Variants in PRKAR1B observed in about 807,000 individuals in gnomAD.
PRKAR1B encodes cAMP-dependent protein kinase type I-beta regulatory subunit.
Under a neutral mutation model 46.5 loss-of-function variants are expected in PRKAR1B, and 22 were observed. The observed-to-expected ratio is 0.47, with a 90% CI of 0.34 to 0.68. PRKAR1B has a LOEUF of 0.68. PRKAR1B is among the 30% of genes least tolerant of loss of function. PRKAR1B has a pLI of 0.01. For missense variants in PRKAR1B, 445 were observed against 535.6 expected, an observed-to-expected ratio of 0.83 and a Z score of 1.67; for synonymous variants, 259 against 217.7, an observed-to-expected ratio of 1.19 and a Z score of -1.67.
At chr7:619,381 A>G (rs1782995586) in intron 4 of PRKAR1B, among the ~76,000 whole-genome samples, 1 of 152,234 alleles carries the variant, frequency 6.6e-6, no homozygotes, top group Non-Finnish European at 1.5e-5. Context: ...AAACTAACAC[A>G]GTGTTTTACG....
intron 4 of PRKAR1B, among the ~76,000 whole-genome samples, chr7:662,244 AC>A (rs1785625998): frequency 9.1e-5 from 1 of 10,950 alleles, no homozygotes; most frequent in Non-Finnish European, 1.6e-4. Flanking sequence ...ACTCTCCCCC[AC>A]ATGGCACAGG....
intron 4 of PRKAR1B, among the ~76,000 whole-genome samples, chr7:617,341 G>C (rs1455353444): frequency 1.4e-5 from 2 of 139,602 alleles, no homozygotes; most frequent in East Asian, 4.3e-4. Flanking sequence ...GTCTCACTCT[G>C]CCACCCAGGC....
intron 2 of PRKAR1B, 117 bp downstream of exon 2, chr7:711,212 C>T (rs1449473666): frequency 1.4e-6 from 2 of 1,384,592 alleles, no homozygotes; most frequent in Non-Finnish European, 2.0e-6. Flanking sequence ...GGACGGCAGA[C>T]AGTCTCTGGG....
At chr7:604,201 G>A (rs942783416) in intron 6 of PRKAR1B, among the ~76,000 whole-genome samples, 3 of 152,194 alleles carry the variant, frequency 2.0e-5, no homozygotes, top group African/African-American at 7.2e-5. Flanking sequence ...GACGATGCCC[G>A]GCTGGGATGC....
Position 692,485 on chromosome 7 carries a change from G to T in PRKAR1B, c.178-11759C>A, listed in dbSNP as rs1005639363. On this transcript the variant is annotated intron_variant, in intron 2 of 10. Transcript: ENST00000537384. ...GGAGAAGAGAAGAGAAGAGAGAGAA[G>T]GCAGGTGCATCACAAGTGAGGGGCT... Among the ~76,000 whole-genome samples, 3 of 151,974 alleles carry T rather than the reference G, an allele frequency of 2.0e-5. No individual in the cohort carries two copies. In the East Asian group the frequency reaches 5.8e-4, roughly 29 times the overall value.
chr7:660,069 T>C (rs2128494176), intron 4 of PRKAR1B, among the ~76,000 whole-genome samples: 1 of 152,086 alleles, frequency 6.6e-6, no homozygotes, highest in East Asian at 1.9e-4. Context: ...TGCCGCCGCC[T>C]TGGGCTCTCC....
chr7:613,168 G>A (rs982150582), intron 4 of PRKAR1B, among the ~76,000 whole-genome samples: 1 of 151,466 alleles, frequency 6.6e-6, no homozygotes, highest in African/African-American at 2.4e-5. Context: ...TGCACCGTAA[G>A]GCTAATAGCA....
At chr7:599,556 G>A (rs1781473140) in intron 6 of PRKAR1B, among the ~76,000 whole-genome samples, 1 of 152,036 alleles carries the variant, frequency 6.6e-6, no homozygotes, top group Non-Finnish European at 1.5e-5. Flanking sequence ...CCAAAGTGCT[G>A]GGATTACAGG....
rs187477094 is a variant in PRKAR1B, at chr7:571,915, C to T, written c.891+7341G>A. Among the ~76,000 whole-genome samples the T allele has an allele frequency of 4.6e-3, 703 of 152,368 alleles. 4 individuals are homozygous for T. The highest frequency in any genetic ancestry group is 0.032 in the South Asian group (153 of 4,826). On this transcript the variant is annotated intron_variant, in intron 9 of 10. Coordinates refer to ENST00000537384, the MANE Select transcript of PRKAR1B (RefSeq NM_001164760.2). ...GCCCTGGCACACACTGCCGCCTCTCCGCTAGGCCCTGGACGCCACTCTCAC... is the reference window on the plus strand; with the variant it reads ...GCCCTGGCACACACTGCCGCCTCTCTGCTAGGCCCTGGACGCCACTCTCAC...
intron 4 of PRKAR1B, among the ~76,000 whole-genome samples, chr7:635,964 T>TCACGTCCTCCACCGGCCGCGCCCA (rs1554296510): frequency 1.4e-5 from 1 of 70,990 alleles, no homozygotes; most frequent in Admixed American, 1.4e-4. Flanking sequence ...GGCCGCGCCC[T>TCACGTCCTCCACCGGCCGCGCCCA]CACGTCCTCC....
intron 1 of PRKAR1B, among the ~76,000 whole-genome samples, chr7:713,688 T>C (rs541559155): frequency 1.3e-5 from 2 of 152,326 alleles, no homozygotes; most frequent in South Asian, 2.1e-4. Flanking sequence ...CACACTCACC[T>C]GTCCAGCTTT....
chr7:701,849 C>G (rs1218745337), intron 2 of PRKAR1B, among the ~76,000 whole-genome samples: 2 of 152,206 alleles, frequency 1.3e-5, no homozygotes, highest in East Asian at 3.8e-4. Context: ...CAATCCTGCT[C>G]TAAGAGGAAT....
At chr7:597,004 G>A (rs758473974) in intron 6 of PRKAR1B, among the ~76,000 whole-genome samples, 6 of 152,374 alleles carry the variant, frequency 3.9e-5, no homozygotes, top group Non-Finnish European at 7.3e-5. Flanking sequence ...GTGGGCCGCC[G>A]CCCCCGCACA....
At chr7:573,559 C>G (rs1779649274) in intron 9 of PRKAR1B, among the ~76,000 whole-genome samples, 1 of 152,192 alleles carries the variant, frequency 6.6e-6, no homozygotes, top group Admixed American at 6.5e-5. Context: ...CGGGAAGCAG[C>G]TGTTCCCAAC....
chr7:556,516 G>A (rs995418873), intron 9 of PRKAR1B, among the ~76,000 whole-genome samples: 2 of 152,232 alleles, frequency 1.3e-5, no homozygotes, highest in East Asian at 1.9e-4. Flanking sequence ...TCTTCCGCAC[G>A]GAGTCATTCT....
chr7:588,618 A>ATGG (rs1226780793), intron 7 of PRKAR1B, among the ~76,000 whole-genome samples: 1 of 117,516 alleles, frequency 8.5e-6, no homozygotes. Context: ...GATGGTGGTG[A>ATGG]TGGTGATGGT....
At chr7:660,564 T>A in intron 4 of PRKAR1B, among the ~76,000 whole-genome samples, 2 of 56,404 alleles carry the variant, frequency 3.5e-5, no homozygotes, top group Non-Finnish European at 6.3e-5. Flanking sequence ...AAATACCTAC[T>A]CTCCCCCCCA....
rs924252724 is a variant in PRKAR1B at position 667,909 on chromosome 7, C to A, written c.440+9320G>T. Among the ~76,000 whole-genome samples the A allele has an allele frequency of 2.0e-5, 3 of 152,210 alleles. No homozygotes were observed. The highest frequency in any genetic ancestry group is 2.9e-5 in the Non-Finnish European group (2 of 68,040). On this transcript the variant is annotated intron_variant, in intron 4 of 10. Coordinates refer to ENST00000537384, the MANE Select transcript of PRKAR1B (RefSeq NM_001164760.2). This position sits in a 1 kb window ranked among gnomAD's most constrained non-coding sequence, Gnocchi z 4.3. ...GGCGGTCTGGGGGAGTTGCAGCCTC[C>A]CTCACAACCACGTTGCACTATCTTC...
At chr7:621,684 C>A (rs971744253) in intron 4 of PRKAR1B, among the ~76,000 whole-genome samples, 1 of 152,234 alleles carries the variant, frequency 6.6e-6, no homozygotes, top group Non-Finnish European at 1.5e-5. Context: ...ATCCCCATGA[C>A]AGATGCTTCC....
Sources: allele counts gnomAD v4.1 joint callset (sites outside exome capture counted in the v4.1 genomes callset), GRCh38; gene constraint gnomAD v4.1.1; non-coding constraint Gnocchi (gnomAD v3.1); transcripts MANE v1.5; gene names NCBI Gene and HGNC (gene_info 2026-07-23, HGNC 2026-07-21).